Variants in PRKN observed in about 807,000 individuals in gnomAD.
PRKN encodes the protein parkin RBR E3 ubiquitin protein ligase.
Under a neutral mutation model 59.5 loss-of-function variants are expected in PRKN, and 56 were observed. The observed-to-expected ratio is 0.94, with a 90% CI of 0.76 to 1.18. The LOEUF (loss-of-function observed/expected upper bound fraction) is 1.18. Among genes scored for constraint, PRKN ranks in the 50% most tolerant of loss-of-function variants. The pLI is 0.00. For synonymous variants in PRKN, 250 were observed against 222.1 expected (o/e 1.13, Z -1.12); for missense variants, 657 against 596.4 (o/e 1.10, Z -1.06).
chr6:162,364,046 T>A (rs12201187), intron 2 of PRKN, among the ~76,000 whole-genome samples: 41,057 of 152,130 alleles, frequency 0.27, 5,710 homozygotes, highest in East Asian at 0.29. Context: ...GAGCACTGTG[T>A]AATAAAGCCC....
intron 4 of PRKN, among the ~76,000 whole-genome samples, chr6:162,099,566 T>C (rs974339017): frequency 2.6e-5 from 4 of 152,192 alleles, no homozygotes; most frequent in African/African-American, 9.6e-5. Flanking sequence ...TTTGTTGAAA[T>C]GTTTAATTGA....
chr6:161,882,383 C>T (rs886787432), intron 6 of PRKN, among the ~76,000 whole-genome samples: 35 of 152,254 alleles, frequency 2.3e-4, no homozygotes, highest in African/African-American at 7.5e-4. Flanking sequence ...GGTGGTGCGG[C>T]CCTCCAGGGA....
At chr6:162,616,710 G>A (rs1441917114) in intron 1 of PRKN, among the ~76,000 whole-genome samples, 1 of 152,108 alleles carries the variant, frequency 6.6e-6, no homozygotes, top group Admixed American at 6.6e-5. Flanking sequence ...CTGAATTGAA[G>A]CAGGAGAAAG....
intron 3 of PRKN, among the ~76,000 whole-genome samples, chr6:162,220,683 C>G (rs1777886663): frequency 6.6e-6 from 1 of 152,148 alleles, no homozygotes; most frequent in African/African-American, 2.4e-5. Flanking sequence ...AAGTTCAAGG[C>G]AGAGGTCAGG....
chr6:161,640,580 A>G (rs1434586631), intron 7 of PRKN, among the ~76,000 whole-genome samples: 1 of 152,100 alleles, frequency 6.6e-6, no homozygotes, highest in African/African-American at 2.4e-5. Flanking sequence ...ATAAAAAGGG[A>G]GTATATCCCA....
intron 9 of PRKN, among the ~76,000 whole-genome samples, chr6:161,496,518 G>A (rs1382484475): frequency 6.6e-6 from 1 of 152,234 alleles, no homozygotes; most frequent in African/African-American, 2.4e-5. Context: ...GTCTTACGTG[G>A]TGGCAGGCAA....
At chr6:162,506,761 G>A (rs117410821) in intron 1 of PRKN, among the ~76,000 whole-genome samples, 51 of 152,222 alleles carry the variant, frequency 3.4e-4, no homozygotes, top group South Asian at 2.5e-3. Flanking sequence ...AAAGTTCAAG[G>A]AGCAAATAGC....
At chr6:162,288,395 G>A (rs778289802) in intron 2 of PRKN, among the ~76,000 whole-genome samples, 3 of 152,150 alleles carry the variant, frequency 2.0e-5, no homozygotes, top group Non-Finnish European at 4.4e-5. Flanking sequence ...ATAGGGCCAA[G>A]GAGAGGGGGG....
intron 7 of PRKN, among the ~76,000 whole-genome samples, chr6:161,730,135 G>T (rs1787619422): frequency 7.1e-6 from 1 of 141,316 alleles, no homozygotes; most frequent in African/African-American, 2.7e-5. Flanking sequence ...GCATTCTGAT[G>T]TGTTGGATTC....
At chr6:161,817,709 T>A (rs1354876689) in intron 6 of PRKN, among the ~76,000 whole-genome samples, 1 of 152,216 alleles carries the variant, frequency 6.6e-6, no homozygotes, top group Admixed American at 6.5e-5. Flanking sequence ...ACATTTTGGT[T>A]TTGGTTTATA....
intron 5 of PRKN, among the ~76,000 whole-genome samples, chr6:161,978,613 TAAAA>T (rs531212974): frequency 4.1e-4 from 63 of 152,272 alleles, no homozygotes; most frequent in African/African-American, 1.5e-3. Context: ...TTTAAAAAAT[TAAAA>T]AAGTCAAAGA....
At chr6:162,017,114 T>C (rs561686369) in intron 5 of PRKN, among the ~76,000 whole-genome samples, 1 of 152,218 alleles carries the variant, frequency 6.6e-6, no homozygotes, top group Non-Finnish European at 1.5e-5. Context: ...TTTGTGAAGC[T>C]CATTTCATTA....
At chr6:162,007,862 T>C (rs910601896) in intron 5 of PRKN, among the ~76,000 whole-genome samples, 5 of 152,138 alleles carry the variant, frequency 3.3e-5, no homozygotes, top group African/African-American at 9.7e-5. Context: ...AGAATCAATA[T>C]ACATCCAAAA....
intron 5 of PRKN, among the ~76,000 whole-genome samples, chr6:162,022,065 A>T (rs938266855): frequency 3.9e-5 from 6 of 152,022 alleles, no homozygotes; most frequent in Non-Finnish European, 8.8e-5. Context: ...TCTATGGTGT[A>T]TATGTACCAC....
chr6:161,958,413 T>C (rs2128247811), intron 6 of PRKN, among the ~76,000 whole-genome samples: 1 of 152,330 alleles, frequency 6.6e-6, no homozygotes, highest in South Asian at 2.1e-4. Flanking sequence ...TGTTTTATGT[T>C]GTTGCTATTT....
chr6:161,365,205 T>C (rs1404114922), intron 10 of PRKN, among the ~76,000 whole-genome samples: 1 of 152,102 alleles, frequency 6.6e-6, no homozygotes, highest in Non-Finnish European at 1.5e-5. Context: ...TAATAGAAAG[T>C]ATAAAATAAA....
intron 3 of PRKN, among the ~76,000 whole-genome samples, chr6:162,225,057 G>A (rs2128083028): frequency 6.6e-6 from 1 of 152,240 alleles, no homozygotes; most frequent in African/African-American, 2.4e-5. Context: ...CAGTTCTTGA[G>A]GCTGGGAAGT....
chr6:161,930,994 C>T (rs969293814), intron 6 of PRKN, among the ~76,000 whole-genome samples: 1 of 152,218 alleles, frequency 6.6e-6, no homozygotes, highest in Non-Finnish European at 1.5e-5. Context: ...ATTTTTAGGA[C>T]TTCTGACCTA....
chr6:161,573,810 C>A (rs1478390109), intron 7 of PRKN, among the ~76,000 whole-genome samples: 1 of 99,948 alleles, frequency 1.0e-5, no homozygotes, highest in African/African-American at 3.4e-5. Flanking sequence ...CTTCATTCAA[C>A]CTTGGGTGTT....
Sources: gnomAD v4.1 joint callset for allele counts (sites outside exome capture counted in the v4.1 genomes callset) on GRCh38, gnomAD v4.1.1 for gene constraint, MANE v1.5 for transcripts, NCBI Gene and HGNC (gene_info 2026-07-23, HGNC 2026-07-21) for gene names.